Variants in SMCO3 observed in about 807,000 individuals in gnomAD.
SMCO3 encodes single-pass membrane protein with coiled-coil domains 3.
Under a neutral mutation model 12.0 loss-of-function variants are expected in SMCO3, and 6 were observed. The observed-to-expected ratio is 0.50, with a 90% CI of 0.27 to 0.99. The LOEUF is 0.99. Among genes scored for constraint, SMCO3 ranks in the 50% least tolerant of loss-of-function variants. SMCO3 has a pLI of 0.11. For missense variants in SMCO3, 279 were observed against 265.0 expected (o/e 1.05, Z -0.37); for synonymous variants, 96 against 96.4 (o/e 1.00, Z 0.02).
chr12:14,806,773 C>T (rs1950058829), intron 1 of SMCO3, 77 bp from the exon 2 acceptor site: 1 of 1,311,714 alleles, frequency 7.6e-7, no homozygotes, highest in African/African-American at 1.5e-5. Flanking sequence ...ACTAGGAAAT[C>T]TTTTTCTTCA....
intron 1 of SMCO3, among the ~76,000 whole-genome samples, chr12:14,811,991 T>C (rs575038531): frequency 1.3e-5 from 2 of 152,330 alleles, no homozygotes; most frequent in African/African-American, 4.8e-5. Context: ...CTTTTTTAAA[T>C]AGAGGAGGAA....
intron 1 of SMCO3, among the ~76,000 whole-genome samples, chr12:14,812,439 G>A (rs1950155562): frequency 6.6e-6 from 1 of 150,580 alleles, no homozygotes; most frequent in Non-Finnish European, 1.5e-5. Context: ...GGGAGACTCC[G>A]TCTCAAAAAA....
In SMCO3 at chr12:14,804,922, A is replaced by T. The variant is rs543981572; in HGVS notation, c.*1081T>A. On this transcript the variant is annotated 3_prime_UTR_variant, in exon 2 of 2. Transcript: ENST00000316048. ...AAACACAGTCTGGCATCAACAGCAT[A>T]TTAATAATTTTGTCAGTATAGACTA... is the stretch of plus-strand genomic sequence containing the variant. The T allele has an allele frequency of 1.3e-5, 2 of 152,250 alleles. No individual in the cohort carries two copies. Among genetic ancestry groups the T allele is most frequent in the Non-Finnish European group, 2.9e-5 (2 of 68,042 alleles). The allele number at this position is 152,250 out of a possible 1,614,324, so 9.4% of individuals were successfully genotyped here. A position where few individuals can be genotyped will look rare whatever the true frequency, so the allele number is the denominator to read the frequency against.
At chr12:14,811,565 T>C (rs1295528992) in intron 1 of SMCO3, among the ~76,000 whole-genome samples, 1 of 152,250 alleles carries the variant, frequency 6.6e-6, no homozygotes, top group African/African-American at 2.4e-5. Context: ...GATGGATGCT[T>C]ACTGCACCTA....
At chr12:14,810,373 T>A (rs1950117673) in intron 1 of SMCO3, among the ~76,000 whole-genome samples, 5 of 152,094 alleles carry the variant, frequency 3.3e-5, no homozygotes. Flanking sequence ...ACAGGTGAAG[T>A]TTGAAGAGCT....
At chr12:14,813,878 ACT>A (rs1475237766) in intron 1 of SMCO3, among the ~76,000 whole-genome samples, 8 of 151,774 alleles carry the variant, frequency 5.3e-5, no homozygotes, top group African/African-American at 1.7e-4. Context: ...CTTCTCTTCC[ACT>A]CTGACTTAAT....
intron 1 of SMCO3, among the ~76,000 whole-genome samples, chr12:14,809,172 G>C (rs925217905): frequency 1.3e-5 from 2 of 152,092 alleles, no homozygotes; most frequent in Non-Finnish European, 2.9e-5. Context: ...TTATATGAAG[G>C]CATAGTTTCC....
chr12:14,806,840 GTTTTTT>G, intron 1 of SMCO3, 144 bp from the exon 2 acceptor site: 1 of 785,914 alleles, frequency 1.3e-6, no homozygotes, highest in Non-Finnish European at 1.9e-6. Context: ...CACTCAACAA[GTTTTTT>G]TAAAAGAGGG....
chr12:14,806,066 G>T lies in SMCO3; in HGVS notation c.615C>A (p.Ala205=), dbSNP rs1451892896. 6.2e-7 allele frequency: 1 copy of T among 1,614,040 alleles called. No individual in the cohort carries two copies. Among genetic ancestry groups the T allele is most frequent in the Non-Finnish European group, 8.5e-7 (1 of 1,180,032 alleles). ...TAATGGCATGATTATATTTTTCTGA[G>T]GCTGATTTGAACTCCACCAGATGCT... is the stretch of plus-strand genomic sequence containing the variant. ...YEKHLVEFKS[A]SEKYNHAITE... Residue 205 remains alanine (A), a synonymous_variant, in exon 2 of 2, where the codon GCC becomes GCA. Transcript: ENST00000316048.
Position 14,805,927 on chromosome 12 carries a change from G to T in SMCO3, c.*76C>A. 7.2e-7 allele frequency: 1 copy of T among 1,395,334 alleles called. No homozygotes were observed. The highest frequency in any genetic ancestry group is 9.8e-7 in the Non-Finnish European group (1 of 1,022,860). 86.4% of individuals were successfully genotyped at this position (1,395,334 alleles called of 1,614,324 possible). A position where few individuals can be genotyped will look rare whatever the true frequency, so the allele number is the denominator to read the frequency against. ...TCCATATTGGAAGCCTATAGAAAAT[G>T]AACCTAATCAAAGAAGCAAACACTG... On this transcript the variant is annotated 3_prime_UTR_variant, in exon 2 of 2. Transcript: ENST00000316048.
At position 14,806,593 on chromosome 12, in the gene SMCO3, A is replaced by T; in HGVS notation, c.88T>A (p.Ser30Thr). ...TTATTGGTGACATCGAAGCTGTCAG[A>T]TAAGCAATCAAGAAGCTGCTGGTGA... ...RLHQQLLDCL[S>T]DSFDVTNKLT... is the part of the protein sequence containing the mutation. Residue 30 changes from serine (S) to threonine (T), a missense_variant, in exon 2 of 2, where the codon TCT becomes ACT. Ser to Thr is a moderately conservative substitution (Grantham distance 58, BLOSUM62 1). Transcript: ENST00000316048. 1 of 1,614,194 alleles carries T rather than the reference A, an allele frequency of 6.2e-7. No homozygotes were observed. The highest frequency in any genetic ancestry group is 1.3e-5 in the African/African-American group (1 of 75,058).
chr12:14,810,952 A>G (rs1227352861), intron 1 of SMCO3, among the ~76,000 whole-genome samples: 2 of 152,228 alleles, frequency 1.3e-5, no homozygotes, highest in Non-Finnish European at 2.9e-5. Flanking sequence ...TTTTACAAAC[A>G]ACCCATAATA....
In SMCO3 at chr12:14,806,168, G is replaced by A. The variant is rs1490165913; in HGVS notation, c.513C>T (p.Gly171=). Residue 171 remains glycine (G), a synonymous_variant, in exon 2 of 2, where the codon GGC becomes GGT. Coordinates refer to ENST00000316048, the MANE Select transcript of SMCO3 (RefSeq NM_001013698.2). ...GSIGVAVLGL[G]IDMIVRAILG... The stretch of plus-strand genomic sequence containing the variant: ...GGATGGCACGGACAATCATATCTAT[G>A]CCAAGGCCAAGAACAGCAACTCCAA... The A allele has an allele frequency of 6.2e-7, 1 of 1,614,012 alleles. No homozygotes were observed. Among genetic ancestry groups the A allele is most frequent in the East Asian group, 2.2e-5 (1 of 44,868 alleles).
intron 1 of SMCO3, among the ~76,000 whole-genome samples, chr12:14,812,470 C>T (rs142450047): frequency 3.3e-5 from 5 of 152,092 alleles, no homozygotes; most frequent in South Asian, 4.2e-4. Flanking sequence ...TTATTGGTTA[C>T]GTATACTATT....
Position 14,805,094 on chromosome 12 carries a change from C to T in SMCO3, c.*909G>A, listed in dbSNP as rs1214835781. Reference sequence around the variant, plus strand: ...TAGTGAAATGGCCCACCTAATGCGTCATGTAGCAAAGGCAGCTGCCTCCTT... The same window carrying T: ...TAGTGAAATGGCCCACCTAATGCGTTATGTAGCAAAGGCAGCTGCCTCCTT... On this transcript the variant is annotated 3_prime_UTR_variant, in exon 2 of 2. Coordinates refer to ENST00000316048, the MANE Select transcript of SMCO3 (RefSeq NM_001013698.2). 3.3e-5 allele frequency: 5 copies of T among 150,516 alleles called. No individual in the cohort carries two copies. The highest frequency in any genetic ancestry group is 7.4e-5 in the Non-Finnish European group (5 of 67,660). 9.3% of individuals were successfully genotyped at this position (150,516 alleles called of 1,614,324 possible).
rs533370487 is a variant in SMCO3, at chr12:14,806,807, T to C, written c.-16-111A>G. ...CATGCATAGCAAAGAAGCAAGATGC[T>C]GTCTAAGGATAATTCCTCAGAACAC... On this transcript the variant is annotated intron_variant, in intron 1 of 1. Coordinates refer to ENST00000316048, the MANE Select transcript of SMCO3 (RefSeq NM_001013698.2). The C allele has an allele frequency of 2.9e-5, 28 of 971,006 alleles. No homozygotes were observed. In the African/African-American group the frequency reaches 3.3e-4, roughly 11 times the overall value. 60.1% of individuals were successfully genotyped at this position (971,006 alleles called of 1,614,324 possible). A position where few individuals can be genotyped will look rare whatever the true frequency, so the allele number is the denominator to read the frequency against.
In SMCO3 at chr12:14,806,199, C is replaced by T; in HGVS notation, c.482G>A (p.Gly161Asp). 1 of 1,614,068 alleles carries T rather than the reference C, an allele frequency of 6.2e-7. No individual in the cohort carries two copies. Among genetic ancestry groups the T allele is most frequent in the South Asian group, 1.1e-5 (1 of 91,082 alleles). Reference protein sequence around the residue: ...VLAQIGASLLGSIGVAVLGLG... With the variant: ...VLAQIGASLLDSIGVAVLGLG... ...GCCAAGAACAGCAACTCCAATACTA[C>T]CAAGGAGAGAAGCACCAATTTGAGC... The change falls in exon 2 of 2, where the codon GGT becomes GAT. Residue 161 changes from glycine (G) to aspartate (D), a missense_variant. Physicochemically the swap from Gly to Asp is moderately conservative, Grantham distance 94. Coordinates refer to ENST00000316048, the MANE Select transcript of SMCO3 (RefSeq NM_001013698.2).
Position 14,806,254 on chromosome 12 carries a change from C to G in SMCO3, c.427G>C (p.Gly143Arg). The G allele has an allele frequency of 6.2e-7, 1 of 1,614,192 alleles. No individual in the cohort carries two copies. The highest frequency in any genetic ancestry group is 1.1e-5 in the South Asian group (1 of 91,086). ...ACAGTGACCAACTTGTTAATTATGC[C>G]AGTTGTGACATTTGAGCCCACAAGT... ...VKLVGSNVTT[G>R]IINKLVTVLA... is the part of the protein sequence containing the mutation. Residue 143 changes from glycine (G) to arginine (R), a missense_variant, in exon 2 of 2, where the codon GGC becomes CGC. Coordinates refer to ENST00000316048, the MANE Select transcript of SMCO3 (RefSeq NM_001013698.2).
intron 1 of SMCO3, among the ~76,000 whole-genome samples, chr12:14,810,995 T>C (rs1950127303): frequency 1.3e-5 from 2 of 152,224 alleles, no homozygotes; most frequent in South Asian, 4.1e-4. Flanking sequence ...GCCATATACT[T>C]TCTCCATCTT....
Sources: gnomAD v4.1 joint callset for allele counts (sites outside exome capture counted in the v4.1 genomes callset) on GRCh38, gnomAD v4.1.1 for gene constraint, MANE v1.5 for transcripts, NCBI Gene and HGNC (gene_info 2026-07-23, HGNC 2026-07-21) for gene names.